The following CDH26 variants were observed in gnomAD, a reference collection of about 807,000 sequenced individuals.
The protein encoded by CDH26 is cadherin-like protein 26.
A neutral mutation model predicts 90.3 loss-of-function variants in CDH26; 83 were observed. The ratio of observed to expected loss-of-function variants is 0.92; its 90% CI spans 0.77 to 1.10. CDH26 has a LOEUF of 1.10. Among genes scored for constraint, CDH26 ranks in the 50% least tolerant of loss-of-function variants. The pLI, the probability that CDH26 is intolerant of heterozygous loss-of-function variation, is 0.00. For missense variants in CDH26, 1,013 were observed against 1,037.6 expected, an observed-to-expected ratio of 0.98 and a Z score of 0.33; for synonymous variants, 397 against 396.3, an observed-to-expected ratio of 1.00 and a Z score of -0.02.
intron 4 of CDH26, among the ~76,000 whole-genome samples, chr20:59,975,849 A>C (rs967153020): frequency 6.6e-6 from 1 of 152,078 alleles, no homozygotes; most frequent in African/African-American, 2.4e-5. Context: ...CAAAAGAAAA[A>C]TTGTGTTCAG....
At chr20:59,959,878 C>T (rs781724575) in intron 1 of CDH26, among the ~76,000 whole-genome samples, 22 of 152,204 alleles carry the variant, frequency 1.4e-4, no homozygotes, top group Non-Finnish European at 1.5e-5. Context: ...AACACATGGG[C>T]TTGCTCTGTT....
intron 16 of CDH26, among the ~76,000 whole-genome samples, chr20:60,004,032 C>T (rs748919143): frequency 1.4e-4 from 22 of 152,172 alleles, no homozygotes; most frequent in Non-Finnish European, 3.2e-4. Flanking sequence ...GTACATAGCC[C>T]ACATCTTAAG....
At chr20:60,021,044 A>T (rs1040407228) in intron 7 of CDH26, among the ~76,000 whole-genome samples, 1 of 152,160 alleles carries the variant, frequency 6.6e-6, no homozygotes, top group African/African-American at 2.4e-5. Context: ...GTACTTCTCC[A>T]TTCCTCTGCT....
chr20:59,977,968 T>A (rs768844791), intron 4 of CDH26, among the ~76,000 whole-genome samples: 1 of 152,208 alleles, frequency 6.6e-6, no homozygotes, highest in African/African-American at 2.4e-5. Flanking sequence ...CTTTTTACTG[T>A]CTCCCCACTT....
rs1199246395 is a variant in CDH26, at chr20:59,996,712, A to G, written c.1970A>G (p.His657Arg). The G allele has an allele frequency of 3.1e-6, 5 of 1,614,116 alleles. No individual in the cohort carries two copies. The highest frequency in any genetic ancestry group is 3.3e-5 in the Admixed American group (2 of 60,006). The change falls in exon 13 of 18, where the codon CAC becomes CGC. Residue 657 changes from histidine to arginine, a missense_variant. Transcript: ENST00000348616. ...TGCTCTGTATCCAATGATGAAGGCC[A>G]CCAAACACTGGTCATGTATAATGCG... The part of the protein sequence containing the change: ...HGCSVSNDEG[H>R]QTLVMYNAES...
chr20:59,970,422 C>T (rs929726220), intron 3 of CDH26, among the ~76,000 whole-genome samples: 4 of 151,790 alleles, frequency 2.6e-5, no homozygotes, highest in Non-Finnish European at 4.4e-5. Context: ...TGATGAGAAT[C>T]TCATACAGCA....
At chr20:59,979,125 T>G (rs1044629106) in intron 4 of CDH26, among the ~76,000 whole-genome samples, 1 of 152,026 alleles carries the variant, frequency 6.6e-6, no homozygotes, top group African/African-American at 2.4e-5. Flanking sequence ...TAAGTCTAGA[T>G]TTTTTTCACC....
chr20:59,983,387 C>G (rs532909651), intron 5 of CDH26, among the ~76,000 whole-genome samples: 14 of 152,256 alleles, frequency 9.2e-5, no homozygotes, highest in African/African-American at 3.4e-4. Context: ...CATTTTTTGT[C>G]TGTAAAATGG....
At chr20:59,977,070 T>C (rs6123960) in intron 4 of CDH26, among the ~76,000 whole-genome samples, 29,260 of 151,860 alleles carry the variant, frequency 0.19, 3,300 homozygotes, top group East Asian at 0.47. Flanking sequence ...GAAGGTGAAA[T>C]AGTCACTTAG....
intron 1 of CDH26, among the ~76,000 whole-genome samples, chr20:59,961,739 T>C (rs1384195966): frequency 3.3e-5 from 5 of 152,186 alleles, no homozygotes; most frequent in Admixed American, 2.0e-4. Context: ...GTTCTGCAGG[T>C]TTATGTCTTT....
intron 7 of CDH26, among the ~76,000 whole-genome samples, chr20:60,021,548 T>C (rs1201149730): frequency 6.6e-6 from 1 of 152,164 alleles, no homozygotes; most frequent in East Asian, 1.9e-4. Context: ...AATGAACACA[T>C]TGCCATACAA....
intron 4 of CDH26, among the ~76,000 whole-genome samples, chr20:59,976,435 AC>A (rs1287278741): frequency 6.6e-6 from 1 of 152,242 alleles, no homozygotes; most frequent in African/African-American, 2.4e-5. Flanking sequence ...AAGGTCTCAT[AC>A]GTAGCTTTAG....
At chr20:60,015,077 T>G (rs1404006246), downstream of CDH26, among the ~76,000 whole-genome samples, 1 of 152,204 alleles carries the variant, frequency 6.6e-6, no homozygotes, top group African/African-American at 2.4e-5. Context: ...CTCCACTTCC[T>G]GGGTTGAAGC....
chr20:60,008,188 A>G (rs550537183), intron 17 of CDH26, among the ~76,000 whole-genome samples: 1 of 152,342 alleles, frequency 6.6e-6, no homozygotes, highest in African/African-American at 2.4e-5. Context: ...ATAAATGTAG[A>G]CAGTCTCTGT....
At chr20:60,006,127 G>A (rs550696221) in intron 16 of CDH26, among the ~76,000 whole-genome samples, 8 of 152,342 alleles carry the variant, frequency 5.3e-5, no homozygotes, top group African/African-American at 1.7e-4. Flanking sequence ...GCGTGAGCTC[G>A]ACAGTGAGGC....
chr20:60,012,707 T>G lies in CDH26; in HGVS notation c.2476T>G (p.Ser826Ala). 6.2e-7 allele frequency: 1 copy of G among 1,613,950 alleles called. No homozygotes were observed. The highest frequency in any genetic ancestry group is 8.5e-7 in the Non-Finnish European group (1 of 1,179,968). The change falls in exon 18 of 18, where the codon TCA (serine) becomes GCA (alanine). Residue 826 changes from serine (S) to alanine (A), a missense_variant. Physicochemically the swap from Ser to Ala is moderately conservative, Grantham distance 99. Transcript: ENST00000348616. ...SKATPFEEIY[S>A]ESGVPS is the part of the protein sequence containing the mutation. ...AGCGACTCCGTTTGAGGAAATATAT[T>G]CAGAGTCAGGTGTTCCTTCCTAAAA...
At chr20:60,020,093 G>A (rs1182677678) in intron 7 of CDH26, among the ~76,000 whole-genome samples, 1 of 152,224 alleles carries the variant, frequency 6.6e-6, no homozygotes, top group Non-Finnish European at 1.5e-5. Flanking sequence ...TGTGCACACA[G>A]TGGGTGAGCC....
intron 7 of CDH26, among the ~76,000 whole-genome samples, chr20:60,020,383 C>T (rs2061942856): frequency 6.6e-6 from 1 of 152,182 alleles, no homozygotes; most frequent in Admixed American, 6.5e-5. Context: ...AGGGACCTCT[C>T]CCACTTGGGG....
chr20:60,025,256 C>T (rs1313300871), intron 7 of CDH26, among the ~76,000 whole-genome samples: 2 of 152,240 alleles, frequency 1.3e-5, no homozygotes, highest in Admixed American at 6.5e-5. Context: ...GATGCATAAA[C>T]GTGTGCTATG....
Sources: gnomAD v4.1 joint callset for allele counts (sites outside exome capture counted in the v4.1 genomes callset) on GRCh38, gnomAD v4.1.1 for gene constraint, MANE v1.5 for transcripts, NCBI Gene and HGNC (gene_info 2026-07-23, HGNC 2026-07-21) for gene names.